MBOAT2: variants seen among roughly 807,000 people sequenced by gnomAD.
MBOAT2 encodes membrane-bound glycerophospholipid O-acyltransferase 2.
In MBOAT2, 28 loss-of-function variants were observed where a neutral mutation model predicts 63.4. That is an observed-to-expected ratio of 0.44 (90% CI 0.33 to 0.61). The LOEUF (loss-of-function observed/expected upper bound fraction) is 0.61, where lower values mean the gene tolerates loss of function less well. MBOAT2 is among the 20% of genes least tolerant of loss of function. The probability of loss-of-function intolerance (pLI) is 0.03; values close to 1 mark genes in which losing one functional copy is unlikely to be tolerated. For synonymous variants in MBOAT2, 211 were observed against 215.6 expected (o/e 0.98, Z 0.19); for missense variants, 470 against 605.8 (o/e 0.78, Z 2.35).
chr2:8,883,494 A>G (rs1663302970), intron 5 of MBOAT2, among the ~76,000 whole-genome samples: 1 of 152,216 alleles, frequency 6.6e-6, no homozygotes, highest in Admixed American at 6.5e-5. Context: ...TTTTATATGT[A>G]TATAAAACAA....
intron 1 of MBOAT2, among the ~76,000 whole-genome samples, chr2:8,982,145 C>T (rs1285844188): frequency 1.6e-4 from 24 of 152,238 alleles, no homozygotes. Context: ...AATACAGTAC[C>T]TGGCACATGA....
chr2:8,978,745 G>C (rs1671002128), intron 1 of MBOAT2, among the ~76,000 whole-genome samples: 1 of 151,950 alleles, frequency 6.6e-6, no homozygotes, highest in African/African-American at 2.4e-5. Flanking sequence ...CGGGTTGACA[G>C]GTGCAGCAAA....
chr2:8,936,169 C>T (rs551801252), intron 3 of MBOAT2, among the ~76,000 whole-genome samples: 2 of 152,092 alleles, frequency 1.3e-5, no homozygotes, highest in African/African-American at 4.8e-5. Context: ...AGCTTCATGA[C>T]GGGACAGAGT....
intron 8 of MBOAT2, among the ~76,000 whole-genome samples, chr2:8,872,361 A>G (rs913955799): frequency 2.0e-5 from 3 of 152,212 alleles, no homozygotes. Flanking sequence ...CATTGCAGCC[A>G]CAAACTCCTA....
At chr2:8,973,839 C>T (rs1670632960) in intron 1 of MBOAT2, among the ~76,000 whole-genome samples, 1 of 152,144 alleles carries the variant, frequency 6.6e-6, no homozygotes, top group South Asian at 2.1e-4. Flanking sequence ...AGGAAACAGG[C>T]ACACTAAACA....
chr2:8,981,580 C>G (rs1039075584), intron 1 of MBOAT2, among the ~76,000 whole-genome samples: 5 of 152,030 alleles, frequency 3.3e-5, no homozygotes, highest in African/African-American at 4.8e-5. Context: ...ACAAGTGGAG[C>G]TGGTTTCAAA....
chr2:8,864,666 G>A (rs757978404), intron 9 of MBOAT2, among the ~76,000 whole-genome samples: 4 of 151,880 alleles, frequency 2.6e-5, no homozygotes, highest in Admixed American at 6.6e-5. Flanking sequence ...ATCGTCTCTC[G>A]GTGCCCTGGC....
rs765124323 is a variant in MBOAT2 at position 8,943,238 on chromosome 2, C to T, written c.248G>A (p.Ser83Asn). ...GWYALHFLVQ[S>N]GISYCIMIII... ...GATCATGATACAGTAGGAAATTCCA[C>T]TTTGTACAAGAAAGTGTAAGGCATA... Residue 83 changes from serine to asparagine, a missense_variant, in exon 3 of 13, where the codon AGT becomes AAT. Coordinates refer to ENST00000305997, the MANE Select transcript of MBOAT2 (RefSeq NM_138799.4). 6.3e-7 allele frequency: 1 copy of T among 1,586,350 alleles called. No individual in the cohort carries two copies. The highest frequency in any genetic ancestry group is 2.3e-5 in the East Asian group (1 of 44,430).
At chr2:8,922,602 C>T (rs1481345097) in intron 3 of MBOAT2, among the ~76,000 whole-genome samples, 2 of 152,196 alleles carry the variant, frequency 1.3e-5, no homozygotes, top group South Asian at 2.1e-4. Context: ...AGGTTGTCCC[C>T]GTGTCTGCAT....
At chr2:8,930,462 C>T (rs997506097) in intron 3 of MBOAT2, among the ~76,000 whole-genome samples, 11 of 152,018 alleles carry the variant, frequency 7.2e-5, no homozygotes, top group African/African-American at 2.7e-4. Context: ...GCCACATTTT[C>T]TTAATCCAGT....
chr2:9,003,420 G>C lies in MBOAT2; in HGVS notation c.75+120C>G. 1 of 461,388 alleles carries C rather than the reference G, an allele frequency of 2.2e-6. No homozygotes were observed. Among genetic ancestry groups the C allele is most frequent in the Non-Finnish European group, 3.2e-6 (1 of 317,400 alleles). The allele number at this position is 461,388 out of a possible 1,614,324, so 28.6% of individuals were successfully genotyped here. A position where few individuals can be genotyped will look rare whatever the true frequency, so the allele number is the denominator to read the frequency against. On this transcript the variant is annotated intron_variant, in intron 1 of 12. Coordinates refer to ENST00000305997, the MANE Select transcript of MBOAT2 (RefSeq NM_138799.4). This position sits in a 1 kb window ranked among gnomAD's most constrained non-coding sequence, Gnocchi z 5.4. ...CCTCCCTTCCAGGGAGCGGCGGGTA[G>C]GGGGGCACCGGGCGCCCGGCCCCAG...
intron 5 of MBOAT2, among the ~76,000 whole-genome samples, chr2:8,883,450 C>T (rs2148541996): frequency 6.6e-6 from 1 of 152,168 alleles, no homozygotes; most frequent in South Asian, 2.1e-4. Flanking sequence ...TCATATAATA[C>T]AATCTAAATT....
chr2:8,880,115 C>T (rs985561195), intron 6 of MBOAT2, among the ~76,000 whole-genome samples: 4 of 151,896 alleles, frequency 2.6e-5, no homozygotes, highest in Admixed American at 6.6e-5. Flanking sequence ...ATCCAATGCA[C>T]ATTAAAAGCT....
At chr2:8,941,929 C>T (rs935995426) in intron 3 of MBOAT2, among the ~76,000 whole-genome samples, 1 of 152,174 alleles carries the variant, frequency 6.6e-6, no homozygotes, top group African/African-American at 2.4e-5. Context: ...TTTCAGTAAT[C>T]TAATCTAATC....
At chr2:8,864,048 G>T in intron 10 of MBOAT2, 122 bp downstream of exon 10, 3 of 643,746 alleles carry the variant, frequency 4.7e-6, no homozygotes, top group East Asian at 3.0e-5. Flanking sequence ...TTTCCCGGCT[G>T]ACACTGAGGT....
intron 12 of MBOAT2, among the ~76,000 whole-genome samples, chr2:8,860,358 A>C (rs1661408342): frequency 6.6e-6 from 1 of 152,102 alleles, no homozygotes; most frequent in African/African-American, 2.4e-5. Context: ...TGTTAAATTT[A>C]GGAGAGGTTT....
At position 8,907,140 on chromosome 2, in the gene MBOAT2, T is replaced by C. The variant is rs536663605; in HGVS notation, c.395+1481A>G. ...GTTTCTATTTTCTACTATTAATAAA[T>C]GCTTATTTCTCACTTATTATAATTC... On this transcript the variant is annotated intron_variant, in intron 4 of 12. Coordinates refer to ENST00000305997, the MANE Select transcript of MBOAT2 (RefSeq NM_138799.4). 1.1e-4 allele frequency among the ~76,000 whole-genome samples: 17 copies of C among 152,382 alleles called. No homozygotes were observed. In the South Asian group the frequency reaches 3.3e-3, roughly 30 times the overall value.
intron 3 of MBOAT2, among the ~76,000 whole-genome samples, chr2:8,921,997 C>T (rs981273501): frequency 2.0e-5 from 3 of 152,122 alleles, no homozygotes; most frequent in South Asian, 2.1e-4. Context: ...TTGGAACTCG[C>T]GTTAAACGTT....
chr2:8,904,926 T>C (rs960321641), intron 4 of MBOAT2, among the ~76,000 whole-genome samples: 3 of 152,208 alleles, frequency 2.0e-5, no homozygotes, highest in Non-Finnish European at 2.9e-5. Flanking sequence ...ACTTGTATTA[T>C]GTATTATGGT....
Sources: gnomAD v4.1 joint callset for allele counts (sites outside exome capture counted in the v4.1 genomes callset) on GRCh38, gnomAD v4.1.1 for gene constraint, Gnocchi (gnomAD v3.1) non-coding constraint, MANE v1.5 for transcripts, NCBI Gene and HGNC (gene_info 2026-07-23, HGNC 2026-07-21) for gene names.